Variants in ZNG1B observed in about 807,000 individuals in gnomAD.
ZNG1B encodes zinc-regulated GTPase metalloprotein activator 1B.
At chr2:113,460,559 C>T in the ZNG1B span, 1 of 1,397,842 alleles carries the variant, frequency 7.2e-7, no homozygotes, top group Non-Finnish European at 9.8e-7. Flanking sequence ...AGTAACAGAA[C>T]ATGTTGAAGT....
At chr2:113,454,625 G>A in the ZNG1B span, 1 of 737,846 alleles carries the variant, frequency 1.4e-6, no homozygotes, top group South Asian at 1.7e-5. Flanking sequence ...TTGTTTTATT[G>A]AGTAGTATTT....
chr2:113,481,950 C>G, the ZNG1B span: 2 of 607,740 alleles, frequency 3.3e-6, no homozygotes, highest in Non-Finnish European at 5.6e-6. Context: ...TTATTCTGTG[C>G]ATATGTATAT....
At chr2:113,440,041 C>T in the ZNG1B span, among the ~76,000 whole-genome samples, 1 of 150,746 alleles carries the variant, frequency 6.6e-6, no homozygotes, top group Non-Finnish European at 1.5e-5. Flanking sequence ...CCCGCCACTA[C>T]GCCCGGCTAA....
chr2:113,488,150 A>G, the ZNG1B span, among the ~76,000 whole-genome samples: 2 of 152,138 alleles, frequency 1.3e-5, no homozygotes, highest in South Asian at 2.1e-4. Flanking sequence ...AGGTGCTGGT[A>G]TCCACAGCTG....
At chr2:113,474,428 C>G in the ZNG1B span, among the ~76,000 whole-genome samples, 2 of 150,214 alleles carry the variant, frequency 1.3e-5, no homozygotes, top group South Asian at 4.2e-4. Flanking sequence ...TTGATCCTTT[C>G]AAAAAACCAG....
chr2:113,471,073 A>G, the ZNG1B span: 12 of 1,583,212 alleles, frequency 7.6e-6, no homozygotes, highest in Admixed American at 6.9e-5. Context: ...TGCCTTTGAT[A>G]GTCTCTCTGG....
At chr2:113,476,818 G>T in the ZNG1B span, among the ~76,000 whole-genome samples, 2 of 152,246 alleles carry the variant, frequency 1.3e-5, no homozygotes, top group African/African-American at 4.8e-5. Context: ...GTGCCTCCCA[G>T]TTAGGCTGCT....
the ZNG1B span, among the ~76,000 whole-genome samples, chr2:113,468,330 C>T: frequency 2.0e-4 from 31 of 151,296 alleles, no homozygotes; most frequent in African/African-American, 7.1e-4. Context: ...AAGAGATGAC[C>T]ACTGGAAAAT....
chr2:113,437,712 C>G, the ZNG1B span: 14 of 1,518,080 alleles, frequency 9.2e-6, no homozygotes, highest in Non-Finnish European at 1.2e-5. Context: ...CGCTTCTCGT[C>G]CAGAGCCCAG....
the ZNG1B span, among the ~76,000 whole-genome samples, chr2:113,448,572 G>A: frequency 6.7e-6 from 1 of 149,932 alleles, no homozygotes; most frequent in African/African-American, 2.5e-5. Flanking sequence ...GTCCTAAATG[G>A]CATCTTCTTC....
the ZNG1B span, among the ~76,000 whole-genome samples, chr2:113,490,687 G>A: frequency 6.6e-6 from 1 of 152,030 alleles, no homozygotes; most frequent in Admixed American, 6.6e-5. Flanking sequence ...AGATATTCAA[G>A]GCTACTATGA....
At chr2:113,470,134 G>C in the ZNG1B span, 1 of 151,738 alleles carries the variant, frequency 6.6e-6, no homozygotes, top group Non-Finnish European at 1.5e-5. Context: ...TGGGACTACA[G>C]GTGCGTGCCA....
the ZNG1B span, chr2:113,466,583 T>C: frequency 1.0e-6 from 1 of 985,406 alleles, no homozygotes; most frequent in Non-Finnish European, 1.2e-6. Context: ...TGCTTGCCAG[T>C]GCATCTGAGA....
At chr2:113,444,726 T>A in the ZNG1B span, among the ~76,000 whole-genome samples, 1 of 152,034 alleles carries the variant, frequency 6.6e-6, no homozygotes, top group Non-Finnish European at 1.5e-5. Context: ...TGCTTTTAAT[T>A]TTAATAAAGT....
At chr2:113,465,357 C>G in the ZNG1B span, 7 of 486,754 alleles carry the variant, frequency 1.4e-5, no homozygotes, top group East Asian at 2.5e-4. Flanking sequence ...TTGGCTAGTA[C>G]ATTTGCCTGT....
chr2:113,456,000 G>A, the ZNG1B span, among the ~76,000 whole-genome samples: 2 of 151,740 alleles, frequency 1.3e-5, no homozygotes, highest in African/African-American at 4.8e-5. Flanking sequence ...TTACAGGCAT[G>A]AGCCACCACG....
the ZNG1B span, among the ~76,000 whole-genome samples, chr2:113,456,212 G>A: frequency 6.6e-6 from 1 of 151,950 alleles, no homozygotes; most frequent in African/African-American, 2.4e-5. Context: ...CTCAATTTAT[G>A]AATTTATGAA....
chr2:113,437,782 G>A, the ZNG1B span: 6 of 1,571,660 alleles, frequency 3.8e-6, no homozygotes, highest in Non-Finnish European at 5.2e-6. Context: ...CGGGCAGGCC[G>A]GGAGTGGCGT....
the ZNG1B span, among the ~76,000 whole-genome samples, chr2:113,446,460 G>A: frequency 6.6e-6 from 1 of 152,298 alleles, no homozygotes. Context: ...TGATATACAA[G>A]TAGGGGCTGG....
Sources: allele counts gnomAD v4.1 joint callset (sites outside exome capture counted in the v4.1 genomes callset), GRCh38; gene constraint gnomAD v4.1.1; transcripts MANE v1.5; gene names NCBI Gene and HGNC (gene_info 2026-07-23, HGNC 2026-07-21).